The following DNAJC10 variants were observed in gnomAD, a reference collection of about 807,000 sequenced individuals.
DNAJC10 encodes the protein DnaJ heat shock protein family (Hsp40) member C10, also known as endoplasmic reticulum disulfide reductase DNAJC10.
Under a neutral mutation model 115.0 loss-of-function variants are expected in DNAJC10, and 101 were observed. That is an observed-to-expected ratio of 0.88 (90% confidence interval 0.75 to 1.04). The LOEUF (loss-of-function observed/expected upper bound fraction) is 1.04. Among genes scored for constraint, DNAJC10 ranks in the 50% least tolerant of loss-of-function variants. DNAJC10 has a pLI of 0.00. For synonymous variants in DNAJC10, 307 were observed against 301.5 expected, an observed-to-expected ratio of 1.02 and a Z score of -0.19; for missense variants, 981 against 928.8, an observed-to-expected ratio of 1.06 and a Z score of -0.73.
intron 18 of DNAJC10, 116 bp from the exon 19 acceptor site, chr2:182,757,576 G>T: frequency 1.3e-6 from 1 of 775,452 alleles, no homozygotes; most frequent in South Asian, 4.2e-5. Context: ...TTTTTATTGG[G>T]TAAAAGTCAC....
At chr2:182,728,494 T>C in intron 5 of DNAJC10, 82 bp from the exon 6 acceptor site, 1 of 888,078 alleles carries the variant, frequency 1.1e-6, no homozygotes. Flanking sequence ...AAAATTCTGA[T>C]CTCCACAAAA....
At chr2:182,774,984 C>T (rs1301693748) in intron 22 of DNAJC10, among the ~76,000 whole-genome samples, 1 of 152,106 alleles carries the variant, frequency 6.6e-6, no homozygotes, top group Non-Finnish European at 1.5e-5. Context: ...TCCTACTCAG[C>T]CATCTTGGAA....
At chr2:182,756,508 C>G (rs777159920) in intron 18 of DNAJC10, 39 bp downstream of exon 18, 1 of 1,553,446 alleles carries the variant, frequency 6.4e-7, no homozygotes, top group African/African-American at 1.4e-5. Flanking sequence ...TTAACATTTA[C>G]TAAGAATGTT....
At chr2:182,764,334 TTC>T (rs1279008592) in intron 22 of DNAJC10, among the ~76,000 whole-genome samples, 3 of 152,318 alleles carry the variant, frequency 2.0e-5, no homozygotes, top group East Asian at 3.9e-4. Flanking sequence ...TGTGAATAGA[TTC>T]TGTCAGAGAA....
intron 23 of DNAJC10, among the ~76,000 whole-genome samples, chr2:182,776,581 A>G (rs1233274796): frequency 6.6e-6 from 1 of 152,206 alleles, no homozygotes; most frequent in Non-Finnish European, 1.5e-5. Context: ...TTATAGCACC[A>G]TATTAGACAA....
chr2:182,770,775 A>C (rs190628161), intron 22 of DNAJC10, among the ~76,000 whole-genome samples: 52 of 152,134 alleles, frequency 3.4e-4, no homozygotes, highest in African/African-American at 1.1e-3. Flanking sequence ...TGACTTCCTC[A>C]TTTCCTAATT....
intron 17 of DNAJC10, 139 bp from the exon 18 acceptor site, chr2:182,756,175 A>C (rs1694150581): frequency 1.5e-6 from 1 of 676,194 alleles, no homozygotes; most frequent in African/African-American, 1.9e-5. Context: ...GATATATGCA[A>C]ATATTCCAAA....
intron 9 of DNAJC10, 32 bp downstream of exon 9, chr2:182,731,139 G>A: frequency 6.6e-7 from 1 of 1,517,094 alleles, no homozygotes; most frequent in South Asian, 1.2e-5. Flanking sequence ...GTTGGAATGA[G>A]AACATGACAT....
chr2:182,755,161 G>GT, intron 17 of DNAJC10, 57 bp downstream of exon 17: 7 of 1,013,542 alleles, frequency 6.9e-6, no homozygotes. Context: ...TGTAAACCCT[G>GT]TATGAATGTT....
At chr2:182,729,818 A>G (rs779355957) in intron 7 of DNAJC10, 30 bp from the exon 8 acceptor site, 18 of 1,420,346 alleles carry the variant, frequency 1.3e-5, no homozygotes, top group East Asian at 2.3e-5. Flanking sequence ...AAAAAGTAAA[A>G]GATGTTTCTC....
chr2:182,736,167 T>G, intron 10 of DNAJC10, 82 bp from the exon 11 acceptor site: 1 of 1,402,152 alleles, frequency 7.1e-7, no homozygotes, highest in East Asian at 2.7e-5. Flanking sequence ...AAAAATTGTG[T>G]TTTTAGCTAA....
At chr2:182,770,290 C>T (rs984133504) in intron 22 of DNAJC10, among the ~76,000 whole-genome samples, 6 of 152,090 alleles carry the variant, frequency 3.9e-5, no homozygotes, top group Non-Finnish European at 7.4e-5. Flanking sequence ...ATTGTCTTGG[C>T]AATACGGGCT....
chr2:182,728,797 T>G, intron 6 of DNAJC10, 66 bp from the exon 7 acceptor site: 1 of 1,567,846 alleles, frequency 6.4e-7, no homozygotes, highest in East Asian at 2.2e-5. Context: ...AATATATAGC[T>G]TGGAGTGTGT....
At position 182,789,007 on chromosome 2, in the gene DNAJC10, G is replaced by T. The variant is rs1307684768; in HGVS notation, c.*11875G>T. ...ATTTCACATTGTTCAACCCATCTCCGTGACTTTATCTTGCAAAACTGAAAT... is the reference window on the plus strand; with the variant it reads ...ATTTCACATTGTTCAACCCATCTCCTTGACTTTATCTTGCAAAACTGAAAT... On this transcript the variant is annotated 3_prime_UTR_variant, in exon 24 of 24. Transcript: ENST00000264065. 3.8e-6 allele frequency: 1 copy of T among 262,202 alleles called. No individual in the cohort carries two copies. The highest frequency in any genetic ancestry group is 7.5e-6 in the Non-Finnish European group (1 of 133,814). 16.2% of individuals were successfully genotyped at this position (262,202 alleles called of 1,614,324 possible).
rs1435309830 is a variant in DNAJC10 at position 182,779,854 on chromosome 2, A to C, written c.*2722A>C. ...CATTTCAAAGATGTTTAGTACGATA[A>C]AATTTTTAGTAAAAGGGTAGCACTT... On this transcript the variant is annotated 3_prime_UTR_variant, in exon 24 of 24. Transcript: ENST00000264065. 6.6e-6 allele frequency: 1 copy of C among 152,204 alleles called. No homozygotes were observed. Among genetic ancestry groups the C allele is most frequent in the African/African-American group, 2.4e-5 (1 of 41,448 alleles). The allele number at this position is 152,204 out of a possible 1,614,324, so 9.4% of individuals were successfully genotyped here. A position where few individuals can be genotyped will look rare whatever the true frequency, so the allele number is the denominator to read the frequency against.
At chr2:182,768,587 C>G (rs1037679966) in intron 22 of DNAJC10, among the ~76,000 whole-genome samples, 1 of 152,152 alleles carries the variant, frequency 6.6e-6, no homozygotes, top group South Asian at 2.1e-4. Flanking sequence ...AATTCTAGCA[C>G]ATAGTTGGGG....
intron 19 of DNAJC10, among the ~76,000 whole-genome samples, 170 bp downstream of exon 19, chr2:182,757,995 AAC>A (rs1694200189): frequency 6.6e-6 from 1 of 152,194 alleles, no homozygotes; most frequent in Admixed American, 6.6e-5. Flanking sequence ...GGGAGTATTG[AAC>A]AGTCTCACTG....
chr2:182,746,561 G>C (rs1048052169), intron 14 of DNAJC10, among the ~76,000 whole-genome samples: 178 of 152,162 alleles, frequency 1.2e-3, no homozygotes, highest in African/African-American at 3.9e-3. Flanking sequence ...CATGTCCTTC[G>C]CCCACTTTTT....
chr2:182,717,553 A>G (rs1693025889), intron 2 of DNAJC10, among the ~76,000 whole-genome samples: 2 of 152,326 alleles, frequency 1.3e-5, no homozygotes, highest in South Asian at 4.1e-4. Flanking sequence ...CTGAAAATGA[A>G]AATTAGACAG....
Sources: allele counts gnomAD v4.1 joint callset (sites outside exome capture counted in the v4.1 genomes callset), GRCh38; gene constraint gnomAD v4.1.1; transcripts MANE v1.5; gene names NCBI Gene and HGNC (gene_info 2026-07-23, HGNC 2026-07-21).